The following DLG2 variants were observed in gnomAD, a reference collection of about 807,000 sequenced individuals.
DLG2 encodes the protein disks large homolog 2.
DLG2 carries 45 observed loss-of-function variants against 132.5 expected under a neutral mutation model. The observed-to-expected ratio is 0.34, with a 90% confidence interval of 0.27 to 0.44. The LOEUF (loss-of-function observed/expected upper bound fraction) is 0.44. Ranked by LOEUF, DLG2 falls within the 20% of genes least tolerant of loss-of-function variation. The pLI is 1.00. For synonymous variants in DLG2, 424 were observed against 419.6 expected, an observed-to-expected ratio of 1.01 and a Z score of -0.13; for missense variants, 1,045 against 1,196.9, an observed-to-expected ratio of 0.87 and a Z score of 1.87.
chr11:85,142,344 G>T (rs2152433118), intron 5 of DLG2, among the ~76,000 whole-genome samples: 1 of 151,388 alleles, frequency 6.6e-6, no homozygotes, highest in South Asian at 2.1e-4. Context: ...TTTTTTCTTG[G>T]TTTCTTTTTC....
intron 12 of DLG2, among the ~76,000 whole-genome samples, chr11:83,973,232 T>TTTGTGTTTTACTGA (rs149304535): frequency 0.043 from 6,610 of 152,176 alleles, 199 homozygotes; most frequent in Non-Finnish European, 0.067. Flanking sequence ...GTGGCAACCT[T>TTTGTGTTTTACTGA]TGGAGTGTGC....
rs1208188540 is a variant in DLG2, at chr11:85,190,863, T to C, written c.187-36212A>G. ...TTAAAAATTCAGAAAATGACAGATGTTGGTGATGTTGTGAAGAAAAGGGAC... is the reference window on the plus strand; with the variant it reads ...TTAAAAATTCAGAAAATGACAGATGCTGGTGATGTTGTGAAGAAAAGGGAC... On this transcript the variant is annotated intron_variant, in intron 4 of 27. Coordinates refer to ENST00000376104, the MANE Select transcript of DLG2 (RefSeq NM_001142699.3). Among the ~76,000 whole-genome samples, 10 of 152,302 alleles carry C rather than the reference T, an allele frequency of 6.6e-5. 1 individual carries two copies. The East Asian group carries it at 1.9e-3, about 29-fold the overall frequency.
chr11:85,006,364 T>G (rs1191789486), intron 6 of DLG2, among the ~76,000 whole-genome samples: 1 of 152,212 alleles, frequency 6.6e-6, no homozygotes, highest in Non-Finnish European at 1.5e-5. Context: ...TCCTGGGCTT[T>G]TTTTGGTTGG....
chr11:84,267,226 A>G (rs904284579), intron 7 of DLG2, among the ~76,000 whole-genome samples: 21 of 101,976 alleles, frequency 2.1e-4, no homozygotes, highest in African/African-American at 5.8e-4. Flanking sequence ...ATTGCGTACA[A>G]AAGTATAGAT....
intron 4 of DLG2, among the ~76,000 whole-genome samples, chr11:85,280,835 C>A (rs2078176016): frequency 6.6e-6 from 1 of 151,930 alleles, no homozygotes; most frequent in African/African-American, 2.4e-5. Flanking sequence ...AAAAATCAAA[C>A]CTCGGAATAG....
intron 18 of DLG2, among the ~76,000 whole-genome samples, chr11:83,722,532 C>G (rs879706972): frequency 3.0e-4 from 45 of 152,130 alleles, no homozygotes; most frequent in Non-Finnish European, 4.4e-4. Flanking sequence ...TCCAGTCCAG[C>G]AAGTTTACCT....
chr11:84,264,758 A>T (rs916672300), intron 7 of DLG2, among the ~76,000 whole-genome samples: 2 of 152,160 alleles, frequency 1.3e-5, no homozygotes, highest in Non-Finnish European at 1.5e-5. Context: ...TATATTTGCA[A>T]TCATCTCGTG....
chr11:85,154,136 A>G (rs922994855), intron 5 of DLG2, among the ~76,000 whole-genome samples: 15 of 60,992 alleles, frequency 2.5e-4, no homozygotes, highest in East Asian at 3.6e-4. Flanking sequence ...TCTTTTGGAG[A>G]AAAAAAAAAA....
At chr11:84,130,559 A>G (rs1392336775) in intron 9 of DLG2, among the ~76,000 whole-genome samples, 3 of 143,214 alleles carry the variant, frequency 2.1e-5, no homozygotes, top group Non-Finnish European at 4.6e-5. Flanking sequence ...TAAAGTATAT[A>G]TAAGTATACG....
chr11:84,780,147 C>A (rs1412900331), intron 6 of DLG2, among the ~76,000 whole-genome samples: 1 of 151,976 alleles, frequency 6.6e-6, no homozygotes, highest in Non-Finnish European at 1.5e-5. Flanking sequence ...TCATTACTAG[C>A]AAACCCAATC....
intron 3 of DLG2, among the ~76,000 whole-genome samples, chr11:85,368,043 T>G (rs1439722069): frequency 6.6e-6 from 1 of 152,222 alleles, no homozygotes; most frequent in African/African-American, 2.4e-5. Flanking sequence ...TTTCACTAGT[T>G]TGGAAATAAG....
intron 6 of DLG2, among the ~76,000 whole-genome samples, chr11:84,880,146 A>G (rs1273255512): frequency 6.6e-6 from 1 of 152,154 alleles, no homozygotes; most frequent in Non-Finnish European, 1.5e-5. Flanking sequence ...CTCACCAGAC[A>G]GAGAGATCAA....
intron 6 of DLG2, among the ~76,000 whole-genome samples, chr11:84,859,708 T>C (rs1262344848): frequency 1.3e-5 from 2 of 151,938 alleles, no homozygotes; most frequent in Non-Finnish European, 2.9e-5. Context: ...AGTTCTTCTA[T>C]AAACTGTGAC....
intron 6 of DLG2, among the ~76,000 whole-genome samples, chr11:85,007,192 A>C (rs2058733793): frequency 1.4e-5 from 1 of 73,104 alleles, no homozygotes; most frequent in African/African-American, 1.0e-4. Context: ...ACTTTGAGCT[A>C]AGTACATAAC....
rs753770068 is a variant in DLG2, at chr11:83,850,152, GTGTGTGTGTT to G, written c.1566-16392_1566-16383del. On this transcript the variant is annotated intron_variant, in intron 16 of 27. Transcript: ENST00000376104. ...TGTGTGTGTGTGTGTGTGTGTGTGT[GTGTGTGTGTT>G]TTTTTACTTGAGACGGAGTCTCACT... is the stretch of plus-strand genomic sequence containing the variant. Among the ~76,000 whole-genome samples, 203 of 133,260 alleles carry G rather than the reference GTGTGTGTGTT, an allele frequency of 1.5e-3. 1 individual carries two copies. Among genetic ancestry groups the G allele is most frequent in the South Asian group, 8.4e-3 (36 of 4,302 alleles). The allele number at this position is 133,260 out of a possible 152,430, so 87.4% of individuals were successfully genotyped here.
intron 18 of DLG2, among the ~76,000 whole-genome samples, chr11:83,640,599 G>T (rs777081011): frequency 1.3e-5 from 2 of 152,148 alleles, no homozygotes; most frequent in Non-Finnish European, 2.9e-5. Flanking sequence ...AATCCTAATT[G>T]CTGGGGATAC....
chr11:83,692,774 T>G (rs1164096317), intron 18 of DLG2, among the ~76,000 whole-genome samples: 1 of 152,196 alleles, frequency 6.6e-6, no homozygotes, highest in Non-Finnish European at 1.5e-5. Flanking sequence ...CCTCTTCTCC[T>G]AGAGCACAAA....
At chr11:85,156,109 G>C (rs2077571431) in intron 4 of DLG2, among the ~76,000 whole-genome samples, 1 of 152,148 alleles carries the variant, frequency 6.6e-6, no homozygotes, top group East Asian at 1.9e-4. Context: ...TGTGACAGGA[G>C]AGAAATTTGC....
chr11:84,637,531 C>A (rs761205693), intron 6 of DLG2, among the ~76,000 whole-genome samples: 20 of 152,164 alleles, frequency 1.3e-4, no homozygotes, highest in Non-Finnish European at 2.2e-4. Context: ...TCTGAAAAGG[C>A]AGGTGGTTAA....
Sources: allele counts gnomAD v4.1 joint callset (sites outside exome capture counted in the v4.1 genomes callset), GRCh38; gene constraint gnomAD v4.1.1; transcripts MANE v1.5; gene names NCBI Gene and HGNC (gene_info 2026-07-23, HGNC 2026-07-21).